The following ZNF729 variants were observed in gnomAD, a reference collection of about 807,000 sequenced individuals.
ZNF729 encodes the protein zinc finger protein 729.
In ZNF729, 15 loss-of-function variants were observed where a neutral mutation model predicts 12.2. The ratio of observed to expected loss-of-function variants is 1.23; its 90% CI spans 0.82 to 1.89. The LOEUF is 1.89. ZNF729 is among the 40% of genes most tolerant of loss of function. ZNF729 has a pLI of 0.00. For missense variants in ZNF729, 1,540 were observed against 1,456.7 expected (o/e 1.06, Z -0.93); for synonymous variants, 492 against 476.3 (o/e 1.03, Z -0.43).
At chr19:22,302,546 T>A (rs916529697) in intron 1 of ZNF729, among the ~76,000 whole-genome samples, 13 of 152,292 alleles carry the variant, frequency 8.5e-5, no homozygotes, top group African/African-American at 2.4e-4. Flanking sequence ...TTTAAATTGC[T>A]TATTAGTATA....
rs1470439447 is a variant in ZNF729 at position 22,314,880 on chromosome 19, A to G, written c.1463A>G (p.Tyr488Cys). 7 of 1,613,446 alleles carry G rather than the reference A, an allele frequency of 4.3e-6. No individual in the cohort carries two copies. The highest frequency in any genetic ancestry group is 2.2e-5 in the East Asian group (1 of 44,770). ...HKAIHTGEKP[Y>C]KCEECGKAFN... ...GCAATTCATACTGGAGAGAAACCCTACAAATGTGAAGAATGTGGCAAAGCT... is the reference window on the plus strand; with the variant it reads ...GCAATTCATACTGGAGAGAAACCCTGCAAATGTGAAGAATGTGGCAAAGCT... Residue 488 changes from tyrosine (Y) to cysteine (C), a missense_variant, in exon 4 of 4, where the codon TAC (tyrosine) becomes TGC (cysteine). Tyr to Cys is a radical substitution (Grantham distance 194). Transcript: ENST00000601693.
chr19:22,303,186 C>T (rs1485368743), intron 1 of ZNF729, among the ~76,000 whole-genome samples: 1 of 152,172 alleles, frequency 6.6e-6, no homozygotes, highest in Non-Finnish European at 1.5e-5. Context: ...AATGAAGTCT[C>T]TCATCTTTGT....
intron 1 of ZNF729, among the ~76,000 whole-genome samples, chr19:22,287,757 C>T (rs1241073078): frequency 1.3e-5 from 2 of 151,460 alleles, no homozygotes; most frequent in Non-Finnish European, 1.5e-5. Flanking sequence ...TGCAGCCTAT[C>T]TCTGGCTTGC....
chr19:22,311,559 TTGATA>T lies in ZNF729; in HGVS notation c.254-2110_254-2106del, dbSNP rs553528835. Among the ~76,000 whole-genome samples, 373 of 152,302 alleles carry T rather than the reference TTGATA, an allele frequency of 2.4e-3. 1 individual carries two copies. The highest frequency in any genetic ancestry group is 8.5e-3 in the African/African-American group (352 of 41,578). ...ATTCCACTGTGGTCTGAGAGAGTGC[TTGATA>T]TAATTTCAGTTCTCTTAAATTTATT... On this transcript the variant is annotated intron_variant, in intron 3 of 3. Transcript: ENST00000601693.
chr19:22,286,682 A>G (rs1373820234), intron 1 of ZNF729, 127 bp downstream of exon 1: 1 of 1,253,044 alleles, frequency 8.0e-7, no homozygotes, highest in Non-Finnish European at 1.2e-6. Flanking sequence ...GTTCTTTCCC[A>G]TCTCGGCCTC....
intron 1 of ZNF729, among the ~76,000 whole-genome samples, chr19:22,290,809 T>A (rs1968142450): frequency 6.6e-6 from 1 of 152,150 alleles, no homozygotes; most frequent in South Asian, 2.1e-4. Flanking sequence ...ATGTGACAGG[T>A]AAGAAAAGAG....
intron 3 of ZNF729, among the ~76,000 whole-genome samples, chr19:22,311,201 G>A (rs780117303): frequency 6.6e-6 from 1 of 151,624 alleles, no homozygotes; most frequent in African/African-American, 2.4e-5. Flanking sequence ...ATTTCATTCT[G>A]CTCTGATTTT....
rs371023488 is a variant in ZNF729, at chr19:22,307,471, C to T, written c.253+2688C>T. On this transcript the variant is annotated intron_variant, in intron 3 of 3. Coordinates refer to ENST00000601693, the MANE Select transcript of ZNF729 (RefSeq NM_001242680.2). Reference sequence around the variant, plus strand: ...AGAATATTTTTTTTTCAGCCGGACGCGGTGGCTTATGCCTGTAATCCCAGC... The same window carrying T: ...AGAATATTTTTTTTTCAGCCGGACGTGGTGGCTTATGCCTGTAATCCCAGC... 1.8e-3 allele frequency among the ~76,000 whole-genome samples: 277 copies of T among 151,096 alleles called. 1 individual carries two copies. Among genetic ancestry groups the T allele is most frequent in the African/African-American group, 5.1e-3 (211 of 41,196 alleles).
At chr19:22,313,626 C>G (rs1394081232) in intron 3 of ZNF729, 45 bp from the exon 4 acceptor site, 1 of 1,410,328 alleles carries the variant, frequency 7.1e-7, no homozygotes, top group Admixed American at 3.3e-5. Flanking sequence ...GTATATTCAT[C>G]TGAGTCTAGC....
intron 1 of ZNF729, among the ~76,000 whole-genome samples, chr19:22,292,108 C>T (rs191373517): frequency 3.3e-5 from 5 of 152,128 alleles, no homozygotes; most frequent in East Asian, 1.9e-4. Flanking sequence ...GAAATTGTGT[C>T]GGGGGGTTGG....
chr19:22,298,026 A>C (rs916084850), intron 1 of ZNF729, among the ~76,000 whole-genome samples: 8 of 148,594 alleles, frequency 5.4e-5, no homozygotes, highest in Non-Finnish European at 1.2e-4. Context: ...AAAAAAAAAA[A>C]ACACAAAACA....
At chr19:22,303,715 G>T in intron 1 of ZNF729, 43 bp from the exon 2 acceptor site, 1 of 1,486,256 alleles carries the variant, frequency 6.7e-7, no homozygotes, top group South Asian at 1.2e-5. Context: ...TCTGCCCATG[G>T]CCACTTGGGA....
chr19:22,311,891 G>C (rs112317590), intron 3 of ZNF729, among the ~76,000 whole-genome samples: 2,560 of 152,190 alleles, frequency 0.017, 85 homozygotes, highest in African/African-American at 0.059. Context: ...GTGCATGTAT[G>C]TTTAGGACTG....
chr19:22,316,688 C>T lies in ZNF729; in HGVS notation c.3271C>T (p.Leu1091Phe), dbSNP rs767943195. ...CAAAGCTTTTAAGCATTTCTCAGCCCTTAGAAAACATAAGGTAATTCATAC... is the reference window on the plus strand; with the variant it reads ...CAAAGCTTTTAAGCATTTCTCAGCCTTTAGAAAACATAAGGTAATTCATAC... ...CDKAFKHFSA[L>F]RKHKVIHTGK... The change falls in exon 4 of 4, where the codon CTT (leucine) becomes TTT (phenylalanine). Residue 1091 changes from leucine to phenylalanine, a missense_variant. Physicochemically the swap from Leu to Phe is conservative, Grantham distance 22. Coordinates refer to ENST00000601693, the MANE Select transcript of ZNF729 (RefSeq NM_001242680.2). 7 of 1,612,678 alleles carry T rather than the reference C, an allele frequency of 4.3e-6. No homozygotes were observed. The Admixed American group carries it at 8.3e-5, about 19-fold the overall frequency.
intron 3 of ZNF729, among the ~76,000 whole-genome samples, chr19:22,306,068 G>A (rs1968373818): frequency 6.6e-6 from 1 of 151,962 alleles, no homozygotes; most frequent in African/African-American, 2.4e-5. Flanking sequence ...AGCCCACCTT[G>A]GCCTCCCAAA....
In ZNF729 at chr19:22,315,675, C is replaced by T. The variant is rs757664516; in HGVS notation, c.2258C>T (p.Ser753Leu). 1.9e-6 allele frequency: 3 copies of T among 1,607,508 alleles called. No homozygotes were observed. Among genetic ancestry groups the T allele is most frequent in the Non-Finnish European group, 2.5e-6 (3 of 1,178,830 alleles). The change falls in exon 4 of 4, where the codon TCA (serine) becomes TTA (leucine). Residue 753 changes from serine to leucine, a missense_variant. Ser to Leu is a moderately radical substitution (Grantham distance 145, BLOSUM62 -2). Coordinates refer to ENST00000601693, the MANE Select transcript of ZNF729 (RefSeq NM_001242680.2). The stretch of plus-strand genomic sequence containing the variant: ...TGTGGCAAATCTTTTAAGCATTTCT[C>T]AGCCCTTAGAAAACATAAGGTAATT... The part of the protein sequence containing the change: ...EECGKSFKHF[S>L]ALRKHKVIHT...
chr19:22,307,246 T>C lies in ZNF729; in HGVS notation c.253+2463T>C, dbSNP rs760556196. Among the ~76,000 whole-genome samples the C allele has an allele frequency of 9.5e-4, 145 of 151,924 alleles. 2 individuals carry two copies. Among genetic ancestry groups the C allele is most frequent in the Non-Finnish European group, 1.3e-3 (91 of 67,952 alleles). ...ATCTTGAACTCCTGGTCTGAAGTTA[T>C]CTGACTGCCTTGGCCTCCTAAAGGT... On this transcript the variant is annotated intron_variant, in intron 3 of 3. Coordinates refer to ENST00000601693, the MANE Select transcript of ZNF729 (RefSeq NM_001242680.2).
intron 3 of ZNF729, among the ~76,000 whole-genome samples, chr19:22,309,801 A>G (rs1256267199): frequency 1.3e-5 from 2 of 151,934 alleles, no homozygotes; most frequent in African/African-American, 4.8e-5. Context: ...TTTTGGCAGT[A>G]TAGTCATTTT....
At chr19:22,292,476 T>C (rs1014647545) in intron 1 of ZNF729, among the ~76,000 whole-genome samples, 8 of 152,180 alleles carry the variant, frequency 5.3e-5, no homozygotes, top group African/African-American at 1.9e-4. Context: ...TCTCACTCTG[T>C]CACCCAGGCT....
Sources: gnomAD v4.1 joint callset for allele counts (sites outside exome capture counted in the v4.1 genomes callset) on GRCh38, gnomAD v4.1.1 for gene constraint, MANE v1.5 for transcripts, NCBI Gene and HGNC (gene_info 2026-07-23, HGNC 2026-07-21) for gene names.